Variants in CA10 observed in about 807,000 individuals in gnomAD.
CA10 encodes carbonic anhydrase-related protein 10.
A neutral mutation model predicts 44.2 loss-of-function variants in CA10; 14 were observed. That is an observed-to-expected ratio of 0.32 (90% CI 0.21 to 0.50). CA10 has a LOEUF of 0.50. Ranked by LOEUF, CA10 falls within the 20% of genes least tolerant of loss-of-function variation. The probability of loss-of-function intolerance (pLI) is 0.99; values close to 1 mark genes in which losing one functional copy is unlikely to be tolerated. For synonymous variants in CA10, 159 were observed against 141.6 expected, an observed-to-expected ratio of 1.12 and a Z score of -0.87; for missense variants, 350 against 409.7, an observed-to-expected ratio of 0.85 and a Z score of 1.26.
chr17:51,753,867 G>A (rs966674751), intron 3 of CA10, among the ~76,000 whole-genome samples: 4 of 151,902 alleles, frequency 2.6e-5, no homozygotes, highest in East Asian at 3.9e-4. Flanking sequence ...TTTTTGATAC[G>A]GAGTCTCACT....
At chr17:51,675,468 G>A (rs567484902) in intron 4 of CA10, among the ~76,000 whole-genome samples, 1 of 150,754 alleles carries the variant, frequency 6.6e-6, no homozygotes, top group East Asian at 2.0e-4. Flanking sequence ...AGAATGGCTT[G>A]AACCCAGGAG....
intron 4 of CA10, among the ~76,000 whole-genome samples, chr17:51,705,466 A>G (rs1915734874): frequency 6.6e-6 from 1 of 152,006 alleles, no homozygotes; most frequent in Non-Finnish European, 1.5e-5. Context: ...TCACTACTGC[A>G]CTCCCTAAAA....
chr17:51,671,133 T>C (rs1364016583), intron 4 of CA10, among the ~76,000 whole-genome samples: 2 of 152,176 alleles, frequency 1.3e-5, no homozygotes, highest in African/African-American at 2.4e-5. Context: ...TTCTGTCTTC[T>C]AGGTAGGAGC....
At chr17:52,056,196 A>C (rs569466606) in intron 2 of CA10, among the ~76,000 whole-genome samples, 1 of 152,076 alleles carries the variant, frequency 6.6e-6, no homozygotes, top group Non-Finnish European at 1.5e-5. Context: ...AAGGAAGAGG[A>C]GGTGTCCAAA....
Position 52,112,963 on chromosome 17 carries a change from G to A in CA10, c.62-40570C>T, listed in dbSNP as rs112713021. On this transcript the variant is annotated intron_variant, in intron 1 of 8. Coordinates refer to ENST00000451037, the MANE Select transcript of CA10 (RefSeq NM_020178.5). ...CTTTTCTTTTCCTCTCTTTATTCTT[G>A]GAAGATGGCTTCAGTTAAAAAGCTC... Among the ~76,000 whole-genome samples, 136 of 152,216 alleles carry A rather than the reference G, an allele frequency of 8.9e-4. 2 individuals carry two copies. Among genetic ancestry groups the A allele is most frequent in the African/African-American group, 3.2e-3 (131 of 41,550 alleles).
chr17:51,836,591 T>C (rs1362033532), intron 3 of CA10, among the ~76,000 whole-genome samples: 3 of 152,030 alleles, frequency 2.0e-5, no homozygotes, highest in Non-Finnish European at 2.9e-5. Context: ...CCCCACCAGG[T>C]AGTAAAGGCT....
chr17:51,652,842 A>G (rs986212347), intron 5 of CA10, among the ~76,000 whole-genome samples: 1 of 152,202 alleles, frequency 6.6e-6, no homozygotes, highest in African/African-American at 2.4e-5. Context: ...TGGCCAAAAC[A>G]TCCCCAGGGG....
At chr17:52,003,277 C>CA (rs1194291648) in intron 2 of CA10, among the ~76,000 whole-genome samples, 2 of 151,830 alleles carry the variant, frequency 1.3e-5, no homozygotes, top group Non-Finnish European at 2.9e-5. Context: ...ACCCCTTTTT[C>CA]ACTGTGACAA....
chr17:51,822,652 A>T (rs1907857824), intron 3 of CA10, among the ~76,000 whole-genome samples: 1 of 152,212 alleles, frequency 6.6e-6, no homozygotes, highest in Non-Finnish European at 1.5e-5. Context: ...GGCACATAGT[A>T]GGTACTCAAT....
chr17:52,058,136 T>C (rs1472321665), intron 2 of CA10, among the ~76,000 whole-genome samples: 1 of 152,090 alleles, frequency 6.6e-6, no homozygotes, highest in Non-Finnish European at 1.5e-5. Flanking sequence ...TTAAGTACAA[T>C]ACGCTGTAGT....
intron 3 of CA10, among the ~76,000 whole-genome samples, chr17:51,807,645 C>T (rs190636642): frequency 2.2e-4 from 33 of 152,196 alleles, no homozygotes; most frequent in African/African-American, 5.1e-4. Flanking sequence ...GCTTACATTG[C>T]GGTATGGTGA....
In CA10 at chr17:51,630,972, C is replaced by T. The variant is rs1032592890; in HGVS notation, c.*612G>A. The T allele has an allele frequency of 6.5e-6, 1 of 153,116 alleles. No individual in the cohort carries two copies. The highest frequency in any genetic ancestry group is 2.4e-5 in the African/African-American group (1 of 41,410). The allele number at this position is 153,116 out of a possible 1,614,324, so 9.5% of individuals were successfully genotyped here. A position where few individuals can be genotyped will look rare whatever the true frequency, so the allele number is the denominator to read the frequency against. ...AATGTGTAGCTCTTCAATGTCTGTC[C>T]TTTTTTTCTTTGTAAATTGTTGAGT... On this transcript the variant is annotated 3_prime_UTR_variant, in exon 9 of 9. Coordinates refer to ENST00000451037, the MANE Select transcript of CA10 (RefSeq NM_020178.5).
intron 2 of CA10, among the ~76,000 whole-genome samples, chr17:51,978,733 A>G (rs1984548655): frequency 6.6e-6 from 1 of 152,040 alleles, no homozygotes; most frequent in African/African-American, 2.4e-5. Flanking sequence ...AGGCCTTTGC[A>G]ATGTAAAGCT....
intron 2 of CA10, among the ~76,000 whole-genome samples, chr17:52,016,141 G>A (rs1985961116): frequency 6.6e-6 from 1 of 152,046 alleles, no homozygotes; most frequent in Non-Finnish European, 1.5e-5. Flanking sequence ...GACAGGCTGG[G>A]GCTTTCAGAC....
intron 2 of CA10, among the ~76,000 whole-genome samples, chr17:51,936,210 A>G (rs1194503922): frequency 6.6e-6 from 1 of 152,176 alleles, no homozygotes; most frequent in Non-Finnish European, 1.5e-5. Context: ...CACTGCCATC[A>G]GTTCTGGGAA....
chr17:51,858,792 T>C (rs956261036), intron 3 of CA10, among the ~76,000 whole-genome samples: 4 of 152,118 alleles, frequency 2.6e-5, no homozygotes, highest in African/African-American at 4.8e-5. Context: ...CAGTGGCTAG[T>C]GAAGGGTAGT....
chr17:51,636,211 C>T (rs748794382), intron 6 of CA10, among the ~76,000 whole-genome samples: 1 of 152,148 alleles, frequency 6.6e-6, no homozygotes. Context: ...CCCCAGATCT[C>T]GGTTGTTTTA....
chr17:52,123,239 G>T (rs1395867412), intron 1 of CA10, among the ~76,000 whole-genome samples: 2 of 152,036 alleles, frequency 1.3e-5, no homozygotes, highest in Non-Finnish European at 2.9e-5. Flanking sequence ...TGACATGAAA[G>T]AAATGGTAGG....
chr17:51,761,869 T>A (rs1905224985), intron 3 of CA10: 1 of 152,146 alleles, frequency 6.6e-6, no homozygotes, highest in Non-Finnish European at 1.5e-5. Context: ...GATTTACCAC[T>A]GATGCTATTT....
Sources: allele counts gnomAD v4.1 joint callset (sites outside exome capture counted in the v4.1 genomes callset), GRCh38; gene constraint gnomAD v4.1.1; transcripts MANE v1.5; gene names NCBI Gene and HGNC (gene_info 2026-07-23, HGNC 2026-07-21).